Variants in MAPKAP1 observed in about 807,000 individuals in gnomAD.
MAPKAP1 encodes the protein target of rapamycin complex 2 subunit MAPKAP1.
MAPKAP1 carries 20 observed loss-of-function variants against 65.7 expected under a neutral mutation model. That is an observed-to-expected ratio of 0.30 (90% CI 0.21 to 0.44). MAPKAP1 has a LOEUF of 0.44. Among genes scored for constraint, MAPKAP1 ranks in the 20% least tolerant of loss-of-function variants. The pLI, the probability that MAPKAP1 is intolerant of heterozygous loss-of-function variation, is 1.00. For synonymous variants in MAPKAP1, 222 were observed against 244.3 expected (o/e 0.91, Z 0.85); for missense variants, 423 against 648.0 (o/e 0.65, Z 3.77).
intron 3 of MAPKAP1, among the ~76,000 whole-genome samples, chr9:125,667,063 A>G (rs1378145368): frequency 6.6e-6 from 1 of 152,242 alleles, no homozygotes; most frequent in Non-Finnish European, 1.5e-5. Context: ...AGAGAAGGAA[A>G]CTGAAGGAGA....
At chr9:125,667,006 T>A (rs1834357949) in intron 3 of MAPKAP1, among the ~76,000 whole-genome samples, 1 of 151,936 alleles carries the variant, frequency 6.6e-6, no homozygotes, top group Non-Finnish European at 1.5e-5. Flanking sequence ...TCTCCAGAAG[T>A]AAGACCACAG....
chr9:125,514,182 G>A (rs1463497957), intron 7 of MAPKAP1, among the ~76,000 whole-genome samples: 1 of 152,106 alleles, frequency 6.6e-6, no homozygotes, highest in Non-Finnish European at 1.5e-5. Flanking sequence ...ACCTAGCTCT[G>A]AGTCCTGCTT....
rs10123141 is a variant in MAPKAP1 at position 125,540,718 on chromosome 9, C to T, written c.958+2341G>A. 1.0e-2 allele frequency among the ~76,000 whole-genome samples: 1,518 copies of T among 152,268 alleles called. 21 individuals are homozygous for T. The highest frequency in any genetic ancestry group is 0.035 in the African/African-American group (1,440 of 41,544). On this transcript the variant is annotated intron_variant, in intron 7 of 11. Transcript: ENST00000265960. The stretch of plus-strand genomic sequence containing the variant: ...GGAAGTGCAGGATGACTGCCTCTAA[C>T]CTGGCATCTCTTTCCACCAAGTTCA...
At chr9:125,649,798 CAAAA>C (rs35503728) in intron 4 of MAPKAP1, among the ~76,000 whole-genome samples, 3 of 76,218 alleles carry the variant, frequency 3.9e-5, no homozygotes, top group Non-Finnish European at 5.2e-5. Flanking sequence ...AACTCCGTCT[CAAAA>C]AAAAAAAAAA....
At chr9:125,522,611 C>T (rs960716041) in intron 7 of MAPKAP1, among the ~76,000 whole-genome samples, 3 of 152,206 alleles carry the variant, frequency 2.0e-5, no homozygotes, top group Admixed American at 2.0e-4. Context: ...TCACTCAGGC[C>T]GCAGTAATGG....
At chr9:125,591,351 T>C (rs1304577576) in intron 4 of MAPKAP1, among the ~76,000 whole-genome samples, 2 of 152,172 alleles carry the variant, frequency 1.3e-5, no homozygotes, top group African/African-American at 2.4e-5. Context: ...AGTTAGGAGA[T>C]GGAGACTCCA....
chr9:125,554,155 C>A (rs896085550), intron 6 of MAPKAP1, among the ~76,000 whole-genome samples: 1 of 152,150 alleles, frequency 6.6e-6, no homozygotes, highest in African/African-American at 2.4e-5. Context: ...GGCATTACTG[C>A]AAGCTGCATA....
intron 7 of MAPKAP1, among the ~76,000 whole-genome samples, chr9:125,508,579 G>A (rs752311835): frequency 2.0e-5 from 3 of 152,192 alleles, no homozygotes; most frequent in Non-Finnish European, 4.4e-5. Flanking sequence ...GGCTGAGTAT[G>A]GTGGCTCACA....
At chr9:125,703,475 G>T (rs1835664016) in intron 1 of MAPKAP1, among the ~76,000 whole-genome samples, 2 of 152,008 alleles carry the variant, frequency 1.3e-5, no homozygotes, top group Admixed American at 6.6e-5. Flanking sequence ...CTCCCATAGG[G>T]AAAAAACGTA....
At chr9:125,662,761 T>C (rs1045738686) in intron 3 of MAPKAP1, among the ~76,000 whole-genome samples, 2 of 151,948 alleles carry the variant, frequency 1.3e-5, no homozygotes, top group African/African-American at 4.8e-5. Flanking sequence ...TTATTAAACA[T>C]TTCTTTATAA....
intron 8 of MAPKAP1, among the ~76,000 whole-genome samples, chr9:125,492,083 A>T (rs1430345652): frequency 6.6e-6 from 1 of 150,930 alleles, no homozygotes; most frequent in African/African-American, 2.4e-5. Flanking sequence ...GCACACCTGT[A>T]GTCCCAGCTG....
intron 4 of MAPKAP1, chr9:125,596,257 G>T: frequency 1.3e-6 from 1 of 763,466 alleles, no homozygotes; most frequent in Non-Finnish European, 2.4e-6. Context: ...GGTCGAAGTG[G>T]TTCTGGAAAC....
At chr9:125,488,136 T>C (rs1223559111) in intron 8 of MAPKAP1, among the ~76,000 whole-genome samples, 1 of 152,138 alleles carries the variant, frequency 6.6e-6, no homozygotes, top group Non-Finnish European at 1.5e-5. Context: ...ATAGCGTAAA[T>C]TCATATCCCA....
intron 11 of MAPKAP1, among the ~76,000 whole-genome samples, chr9:125,440,577 C>T (rs964979335): frequency 6.6e-6 from 1 of 152,180 alleles, no homozygotes; most frequent in Admixed American, 6.5e-5. Flanking sequence ...GAGAAGGAAC[C>T]AGAGGGCTCC....
intron 7 of MAPKAP1, among the ~76,000 whole-genome samples, chr9:125,526,284 ACTAATTTTTGTCC>A (rs1288477745): frequency 2.0e-5 from 3 of 152,202 alleles, no homozygotes; most frequent in Non-Finnish European, 2.9e-5. Flanking sequence ...AATCCAGTAA[ACTAATTTTTGTCC>A]CAATTTAGAA....
intron 9 of MAPKAP1, among the ~76,000 whole-genome samples, chr9:125,481,884 A>C (rs1854330917): frequency 6.6e-6 from 1 of 151,568 alleles, no homozygotes; most frequent in South Asian, 2.1e-4. Flanking sequence ...TAATCCCAGC[A>C]CTTTGGGAGG....
chr9:125,503,025 C>CT (rs1829031035), intron 8 of MAPKAP1, among the ~76,000 whole-genome samples: 1 of 152,098 alleles, frequency 6.6e-6, no homozygotes, highest in African/African-American at 2.4e-5. Flanking sequence ...GTTTTTATAT[C>CT]TAAAAACGTA....
chr9:125,517,929 C>T (rs1263569727), intron 7 of MAPKAP1, among the ~76,000 whole-genome samples: 1 of 151,324 alleles, frequency 6.6e-6, no homozygotes, highest in Non-Finnish European at 1.5e-5. Flanking sequence ...ACCTAGCCAG[C>T]ATCAGGGCAC....
chr9:125,675,744 C>A (rs993862769), intron 1 of MAPKAP1, among the ~76,000 whole-genome samples: 1 of 152,128 alleles, frequency 6.6e-6, no homozygotes, highest in African/African-American at 2.4e-5. Flanking sequence ...TTATACATGG[C>A]AGGAGTTCAA....
Sources: gnomAD v4.1 joint callset for allele counts (sites outside exome capture counted in the v4.1 genomes callset) on GRCh38, gnomAD v4.1.1 for gene constraint, MANE v1.5 for transcripts, NCBI Gene and HGNC (gene_info 2026-07-23, HGNC 2026-07-21) for gene names.